ARFGEF2: variants seen among roughly 807,000 people sequenced by gnomAD.
The protein encoded by ARFGEF2 is ARF guanine nucleotide exchange factor 2, also known as brefeldin A-inhibited guanine nucleotide-exchange protein 2.
In ARFGEF2, 74 loss-of-function variants were observed where a neutral mutation model predicts 219.9. That is an observed-to-expected ratio of 0.34 (90% CI 0.28 to 0.41). ARFGEF2 has a LOEUF of 0.41. ARFGEF2 is among the 10% of genes least tolerant of loss of function. ARFGEF2 has a pLI of 1.00. For missense variants in ARFGEF2, 1,743 were observed against 2,218.3 expected (o/e 0.79, Z 4.30); for synonymous variants, 733 against 799.2 (o/e 0.92, Z 1.40).
At chr20:48,933,388 C>T (rs1057454770) in intron 1 of ARFGEF2, among the ~76,000 whole-genome samples, 4 of 152,036 alleles carry the variant, frequency 2.6e-5, no homozygotes, top group African/African-American at 9.7e-5. Flanking sequence ...CTGGCTGTGA[C>T]GTGGGCAGAT....
At chr20:48,934,632 G>C (rs545648542) in intron 1 of ARFGEF2, among the ~76,000 whole-genome samples, 1 of 152,264 alleles carries the variant, frequency 6.6e-6, no homozygotes, top group South Asian at 2.1e-4. Context: ...ATGTTAGTTT[G>C]CTGAGAATGA....
Position 48,976,000 on chromosome 20 carries a change from T to G in ARFGEF2, c.1775-16T>G, listed in dbSNP as rs1380316099. 7 of 1,612,042 alleles carry G rather than the reference T, an allele frequency of 4.3e-6. No individual in the cohort carries two copies. Among genetic ancestry groups the G allele is most frequent in the Non-Finnish European group, 5.9e-6 (7 of 1,179,956 alleles). On this transcript the variant is annotated splice_polypyrimidine_tract_variant and intron_variant, in intron 13 of 38. Coordinates refer to ENST00000371917, the MANE Select transcript of ARFGEF2 (RefSeq NM_006420.3). Reference sequence around the variant, plus strand: ...CACTTGCTTATTTGGCTTCCTTTACTTTTGTTTCTCCGCAGGTCAGGAGAG... The same window carrying G: ...CACTTGCTTATTTGGCTTCCTTTACGTTTGTTTCTCCGCAGGTCAGGAGAG...
At chr20:48,938,282 A>G (rs1845002052) in intron 1 of ARFGEF2, among the ~76,000 whole-genome samples, 1 of 152,184 alleles carries the variant, frequency 6.6e-6, no homozygotes, top group African/African-American at 2.4e-5. Context: ...ACAGTCCTTA[A>G]AAGCCACTTT....
chr20:49,015,154 G>A, intron 30 of ARFGEF2, among the ~76,000 whole-genome samples: 1 of 152,074 alleles, frequency 6.6e-6, no homozygotes, highest in East Asian at 1.9e-4. Flanking sequence ...TTGCTCTGTT[G>A]CCCAGGCTGG....
At position 49,023,492 on chromosome 20, in the gene ARFGEF2, T is replaced by A. The variant is rs6019591; in HGVS notation, c.4755+311T>A. Among the ~76,000 whole-genome samples the A allele has an allele frequency of 0.36, 54,838 of 151,494 alleles. 10,767 individuals are homozygous for A. The highest frequency in any genetic ancestry group is 0.53 in the African/African-American group (21,859 of 41,278). ...TAGTGTTAGTTATCACAGGAACTAT[T>A]CCCCACAATTGATATACAGTTTTTT... On this transcript the variant is annotated intron_variant, in intron 35 of 38. Coordinates refer to ENST00000371917, the MANE Select transcript of ARFGEF2 (RefSeq NM_006420.3).
At chr20:48,995,967 T>C (rs2091383449) in intron 23 of ARFGEF2, 85 bp downstream of exon 23, 6 of 1,192,370 alleles carry the variant, frequency 5.0e-6, no homozygotes, top group Non-Finnish European at 7.5e-6. Flanking sequence ...TGATTCCTAA[T>C]TTCTTTAACT....
At chr20:49,005,861 C>T (rs888206154) in intron 26 of ARFGEF2, among the ~76,000 whole-genome samples, 3 of 151,924 alleles carry the variant, frequency 2.0e-5, no homozygotes, top group Non-Finnish European at 2.9e-5. Flanking sequence ...AATTATGTGA[C>T]CCATCACTTC....
intron 6 of ARFGEF2, among the ~76,000 whole-genome samples, chr20:48,958,467 C>T (rs1450396272): frequency 1.3e-5 from 2 of 149,850 alleles, no homozygotes; most frequent in Non-Finnish European, 3.0e-5. Context: ...GACGGAGTCT[C>T]GCTCTGTCGC....
Position 49,033,240 on chromosome 20 carries a change from T to TC in ARFGEF2, c.*42dup. On this transcript the variant is annotated 3_prime_UTR_variant, in exon 39 of 39. Coordinates refer to ENST00000371917, the MANE Select transcript of ARFGEF2 (RefSeq NM_006420.3). Reference sequence around the variant, plus strand: ...CCAGTGCTGCAGCTCTGCAGAATGTTCAGCATGCCATTTCTGACTGGCACA... The same window carrying TC: ...CCAGTGCTGCAGCTCTGCAGAATGTTCCAGCATGCCATTTCTGACTGGCACA... 1 of 1,608,744 alleles carries TC rather than the reference T, an allele frequency of 6.2e-7. No homozygotes were observed. Among genetic ancestry groups the TC allele is most frequent in the Non-Finnish European group, 8.5e-7 (1 of 1,175,604 alleles).
intron 14 of ARFGEF2, among the ~76,000 whole-genome samples, chr20:48,981,887 C>CT (rs2091297955): frequency 1.3e-5 from 2 of 152,282 alleles, no homozygotes; most frequent in Admixed American, 1.3e-4. Context: ...TTCGTCTAAT[C>CT]TTTTTTCAAG....
chr20:48,945,955 T>G (rs142841852), intron 3 of ARFGEF2, among the ~76,000 whole-genome samples: 2 of 152,318 alleles, frequency 1.3e-5, no homozygotes, highest in Non-Finnish European at 2.9e-5. Context: ...AGGATTTCTT[T>G]GTTTAGTATA....
chr20:48,957,333 G>A (rs1181995658), intron 6 of ARFGEF2, among the ~76,000 whole-genome samples: 4 of 152,188 alleles, frequency 2.6e-5, no homozygotes, highest in African/African-American at 9.6e-5. Flanking sequence ...CAAAATTCAG[G>A]ATCTGTTAGG....
At chr20:49,008,822 C>T (rs1021278921) in intron 26 of ARFGEF2, among the ~76,000 whole-genome samples, 7 of 151,558 alleles carry the variant, frequency 4.6e-5, no homozygotes, top group Non-Finnish European at 1.0e-4. Flanking sequence ...ATTTTCCTCC[C>T]TCAGCCTCCC....
At chr20:48,955,403 C>G (rs1257444013) in intron 6 of ARFGEF2, among the ~76,000 whole-genome samples, 1 of 152,120 alleles carries the variant, frequency 6.6e-6, no homozygotes, top group Admixed American at 6.5e-5. Context: ...ATAGTACTTA[C>G]AATACCTGAA....
In ARFGEF2 at chr20:48,989,662, T is replaced by C. The variant is rs571537729; in HGVS notation, c.2792T>C (p.Ile931Thr). 1 of 1,614,182 alleles carries C rather than the reference T, an allele frequency of 6.2e-7. No individual in the cohort carries two copies. The highest frequency in any genetic ancestry group is 2.2e-5 in the East Asian group (1 of 44,884). Reference sequence around the variant, plus strand: ...GAAGGCATCCGATGTGCAATCCGAATCGCCTGCATCTTTGGAATGCAGGTA... The same window carrying C: ...GAAGGCATCCGATGTGCAATCCGAACCGCCTGCATCTTTGGAATGCAGGTA... ...CLEGIRCAIRIACIFGMQLER... is the reference protein window; with the variant it reads ...CLEGIRCAIRTACIFGMQLER... The change falls in exon 20 of 39, where the codon ATC becomes ACC. Residue 931 changes from isoleucine (I) to threonine (T), a missense_variant. Ile to Thr is a moderately conservative substitution (Grantham distance 89). This residue lies in a region of ARFGEF2 where 666 missense variants were observed against 955.4 expected (regional missense o/e 0.70). Transcript: ENST00000371917.
Position 49,013,698 on chromosome 20 carries a change from A to G in ARFGEF2, c.4049+4A>G. On this transcript the variant is annotated splice_donor_region_variant and intron_variant, in intron 29 of 38. Coordinates refer to ENST00000371917, the MANE Select transcript of ARFGEF2 (RefSeq NM_006420.3). ...GCAAGTTAGATGTACGAACAAGGTA[A>G]CCATGTTCCCGTGCGGTGGCCCCTT... is the stretch of plus-strand genomic sequence containing the variant. 6.2e-7 allele frequency: 1 copy of G among 1,614,126 alleles called. No homozygotes were observed. Among genetic ancestry groups the G allele is most frequent in the Non-Finnish European group, 8.5e-7 (1 of 1,180,008 alleles).
chr20:48,988,696 C>A (rs747246811), intron 18 of ARFGEF2, 34 bp downstream of exon 18: 25 of 1,601,094 alleles, frequency 1.6e-5, no homozygotes, highest in South Asian at 2.2e-5. Flanking sequence ...TCTTTTAGTT[C>A]TAATTTTTTA....
chr20:48,969,941 A>T (rs1396392179), intron 9 of ARFGEF2, among the ~76,000 whole-genome samples: 5 of 152,226 alleles, frequency 3.3e-5, no homozygotes, highest in Non-Finnish European at 5.9e-5. Flanking sequence ...TTTATAAATT[A>T]TCTCTATTGT....
chr20:49,015,848 AT>A (rs2091526567), intron 30 of ARFGEF2, among the ~76,000 whole-genome samples: 1 of 152,132 alleles, frequency 6.6e-6, no homozygotes, highest in African/African-American at 2.4e-5. Flanking sequence ...ATTCTTAAGA[AT>A]TGCCTTTTAT....
Sources: allele counts gnomAD v4.1 joint callset (sites outside exome capture counted in the v4.1 genomes callset), GRCh38; gene constraint gnomAD v4.1.1; regional missense constraint gnomAD v4.1.1; transcripts MANE v1.5; gene names NCBI Gene and HGNC (gene_info 2026-07-23, HGNC 2026-07-21).